The following CXorf58 variants were observed in gnomAD, a reference collection of about 807,000 sequenced individuals.
The protein encoded by CXorf58 is chromosome X open reading frame 58, also known as uncharacterized protein CXorf58.
In CXorf58, 24 loss-of-function variants were observed where a neutral mutation model predicts 26.0. The ratio of observed to expected loss-of-function variants is 0.92; its 90% CI spans 0.67 to 1.30. CXorf58 has a LOEUF of 1.30. Among genes scored for constraint, CXorf58 ranks in the 50% most tolerant of loss-of-function variants. The probability of loss-of-function intolerance (pLI) is 0.00; values close to 1 mark genes in which losing one functional copy is unlikely to be tolerated. For synonymous variants in CXorf58, 87 were observed against 86.1 expected, an observed-to-expected ratio of 1.01 and a Z score of -0.06; for missense variants, 236 against 263.9, an observed-to-expected ratio of 0.89 and a Z score of 0.73.
intron 6 of CXorf58, among the ~76,000 whole-genome samples, chrX:23,929,423 G>A (rs866003776): frequency 5.2e-4 from 41 of 78,569 alleles, no homozygotes; most frequent in Middle Eastern, 7.4e-3. Flanking sequence ...AAAAAAAAAA[G>A]AAAAAGAAAA....
chrX:23,912,313 T>A (rs780773281), intron 3 of CXorf58, among the ~76,000 whole-genome samples: 1 of 112,241 alleles, frequency 8.9e-6, no homozygotes, highest in East Asian at 2.8e-4. Context: ...TTGTTTCTTC[T>A]GTTAGCCCTA....
intron 6 of CXorf58, among the ~76,000 whole-genome samples, chrX:23,933,884 CAA>C (rs60513618): frequency 4.1e-4 from 39 of 94,352 alleles, no homozygotes; most frequent in African/African-American, 1.2e-3. Flanking sequence ...CCGTCCCCCC[CAA>C]AAAAAAAAAA....
At chrX:23,918,281 A>G (rs1275754902) in intron 5 of CXorf58, among the ~76,000 whole-genome samples, 1 of 110,512 alleles carries the variant, frequency 9.0e-6, no homozygotes, top group Non-Finnish European at 1.9e-5. Context: ...CTCTGGTGGT[A>G]TGTTTTAATT....
At chrX:23,937,426 C>T (rs865796842) in intron 7 of CXorf58, among the ~76,000 whole-genome samples, 1 of 94,994 alleles carries the variant, frequency 1.1e-5, no homozygotes, top group African/African-American at 3.9e-5. Context: ...TTTTTCTTTT[C>T]TTTTTTTTTT....
chrX:23,910,709 G>T (rs933719353), intron 2 of CXorf58, among the ~76,000 whole-genome samples: 6 of 108,710 alleles, frequency 5.5e-5, no homozygotes, highest in Non-Finnish European at 9.5e-5. Context: ...CTAATAAATG[G>T]CATCAGATAG....
At chrX:23,921,941 G>A (rs1388747126) in intron 5 of CXorf58, among the ~76,000 whole-genome samples, 3 of 110,081 alleles carry the variant, frequency 2.7e-5, no homozygotes, top group Non-Finnish European at 3.8e-5. Context: ...GGCCTCAAGC[G>A]ATCTGCCCAC....
intron 1 of CXorf58, 140 bp from the exon 2 acceptor site, chrX:23,910,143 A>C (rs1018538102): frequency 1.9e-5 from 7 of 377,615 alleles, no homozygotes; most frequent in Non-Finnish European, 2.3e-5. Context: ...TGTAAACTGT[A>C]AGCAACTTTA....
chrX:23,937,684 C>A (rs919775321), intron 7 of CXorf58, among the ~76,000 whole-genome samples: 3 of 110,457 alleles, frequency 2.7e-5, no homozygotes, highest in Non-Finnish European at 5.7e-5. Flanking sequence ...CTTGGCCTCC[C>A]AAAGTGCTGG....
intron 5 of CXorf58, 44 bp from the exon 6 acceptor site, chrX:23,927,195 G>C (rs748043135): frequency 3.2e-6 from 3 of 930,632 alleles, no homozygotes; most frequent in Non-Finnish European, 4.4e-6. Context: ...GATCATTAAT[G>C]CTATTCTACT....
chrX:23,933,536 G>A (rs908049533), intron 6 of CXorf58, among the ~76,000 whole-genome samples: 1 of 111,075 alleles, frequency 9.0e-6, no homozygotes, highest in African/African-American at 3.3e-5. Context: ...TTCTAAAAAG[G>A]TTTGTGCAAA....
intron 5 of CXorf58, 53 bp downstream of exon 5, chrX:23,916,381 T>C (rs1927722173): frequency 1.3e-6 from 1 of 753,598 alleles, no homozygotes; most frequent in Non-Finnish European, 2.0e-6. Flanking sequence ...AACATCTACA[T>C]AGTATCTGAA....
chrX:23,936,117 A>G (rs1928291425), intron 7 of CXorf58, among the ~76,000 whole-genome samples: 1 of 110,133 alleles, frequency 9.1e-6, no homozygotes, highest in Non-Finnish European at 1.9e-5. Context: ...CGATCTGCCG[A>G]GAACCAGGAG....
intron 2 of CXorf58, among the ~76,000 whole-genome samples, chrX:23,910,835 G>A (rs1166398921): frequency 1.1e-5 from 1 of 93,629 alleles, no homozygotes; most frequent in African/African-American, 4.2e-5. Flanking sequence ...GTGCGATCTC[G>A]GCTCACTGCA....
chrX:23,933,655 G>A (rs527389302), intron 6 of CXorf58, among the ~76,000 whole-genome samples: 22 of 111,122 alleles, frequency 2.0e-4, no homozygotes, highest in Admixed American at 1.5e-3. Flanking sequence ...TTGGGAGGCC[G>A]AGGTAAGTGG....
chrX:23,919,659 T>C (rs1927813907), intron 5 of CXorf58, among the ~76,000 whole-genome samples: 1 of 112,499 alleles, frequency 8.9e-6, no homozygotes, highest in Non-Finnish European at 1.9e-5. Context: ...TTTGGTGAGG[T>C]CATGTTTTCC....
chrX:23,928,005 G>A (rs908914521), intron 6 of CXorf58, among the ~76,000 whole-genome samples: 30 of 111,190 alleles, frequency 2.7e-4, no homozygotes, highest in Admixed American at 9.7e-4. Flanking sequence ...TGTCTCTATG[G>A]ATTTGCCTAA....
At chrX:23,913,933 T>TA (rs1163319866) in intron 3 of CXorf58, among the ~76,000 whole-genome samples, 1 of 110,997 alleles carries the variant, frequency 9.0e-6, no homozygotes, top group Non-Finnish European at 1.9e-5. Context: ...TCAGGTCTAT[T>TA]ATCCATTGTC....
At chrX:23,914,819 G>A (rs1299546901) in intron 3 of CXorf58, among the ~76,000 whole-genome samples, 1 of 109,678 alleles carries the variant, frequency 9.1e-6, no homozygotes, top group Non-Finnish European at 1.9e-5. Context: ...GGGAGGTGGA[G>A]GTTGCGGTGA....
chrX:23,911,657 A>G, intron 2 of CXorf58, 100 bp from the exon 3 acceptor site: 1 of 508,357 alleles, frequency 2.0e-6, no homozygotes, highest in Non-Finnish European at 3.3e-6. Flanking sequence ...AGAGTGGGGG[A>G]TGGGGAGGTA....
Sources: gnomAD v4.1 joint callset for allele counts (sites outside exome capture counted in the v4.1 genomes callset) on GRCh38, gnomAD v4.1.1 for gene constraint, MANE v1.5 for transcripts, NCBI Gene and HGNC (gene_info 2026-07-23, HGNC 2026-07-21) for gene names.